The following CLNK variants were observed in gnomAD, a reference collection of about 807,000 sequenced individuals.
CLNK encodes cytokine-dependent hematopoietic cell linker.
A neutral mutation model predicts 68.6 loss-of-function variants in CLNK; 74 were observed. The observed-to-expected ratio is 1.08, with a 90% CI of 0.89 to 1.31. CLNK has a LOEUF of 1.31. Among genes scored for constraint, CLNK ranks in the 50% most tolerant of loss-of-function variants. CLNK has a pLI of 0.00. For synonymous variants in CLNK, 198 were observed against 172.2 expected, an observed-to-expected ratio of 1.15 and a Z score of -1.17; for missense variants, 553 against 515.3, an observed-to-expected ratio of 1.07 and a Z score of -0.71.
intron 18 of CLNK, among the ~76,000 whole-genome samples, chr4:10,500,952 A>G (rs115835824): frequency 0.021 from 3,139 of 152,254 alleles, 42 homozygotes; most frequent in Non-Finnish European, 0.031. Context: ...AGGGAAAGGA[A>G]TTTGGCATTA....
intron 2 of CLNK, among the ~76,000 whole-genome samples, chr4:10,634,023 A>T (rs1177690697): frequency 6.6e-6 from 1 of 152,228 alleles, no homozygotes; most frequent in Non-Finnish European, 1.5e-5. Flanking sequence ...AGCCCCCTGT[A>T]TAAGATCACA....
At chr4:10,551,997 G>A (rs908273689) in intron 8 of CLNK, among the ~76,000 whole-genome samples, 2 of 151,914 alleles carry the variant, frequency 1.3e-5, no homozygotes, top group Admixed American at 6.6e-5. Context: ...ACAGGTGCGC[G>A]TCAGAACGCT....
the CLNK span, among the ~76,000 whole-genome samples, chr4:10,694,602 G>A: frequency 2.5e-3 from 385 of 152,192 alleles, 3 homozygotes; most frequent in African/African-American, 8.7e-3. Flanking sequence ...TAATCTAGTT[G>A]TGCAGGAGGC....
chr4:10,604,520 C>A (rs1046452065), intron 2 of CLNK, among the ~76,000 whole-genome samples: 1 of 151,936 alleles, frequency 6.6e-6, no homozygotes, highest in Admixed American at 6.5e-5. Context: ...CAGTCAACAT[C>A]CATGTGCTTG....
intron 2 of CLNK, among the ~76,000 whole-genome samples, chr4:10,654,781 A>C (rs1161931968): frequency 6.6e-6 from 1 of 152,128 alleles, no homozygotes; most frequent in Non-Finnish European, 1.5e-5. Context: ...AGCATTTACA[A>C]TATCATTAAA....
At chr4:10,613,916 C>G (rs1037306938) in intron 2 of CLNK, among the ~76,000 whole-genome samples, 2 of 152,184 alleles carry the variant, frequency 1.3e-5, no homozygotes, top group Non-Finnish European at 2.9e-5. Flanking sequence ...TCTGTCTCAC[C>G]TGGAGAATGT....
chr4:10,610,079 C>A (rs1270648815), intron 2 of CLNK, among the ~76,000 whole-genome samples: 3 of 94,420 alleles, frequency 3.2e-5, no homozygotes, highest in African/African-American at 8.9e-5. Flanking sequence ...TTTTTTGAGA[C>A]GGAGTCTCGT....
intron 2 of CLNK, among the ~76,000 whole-genome samples, chr4:10,619,784 T>A (rs1722362842): frequency 6.6e-6 from 1 of 152,104 alleles, no homozygotes; most frequent in Non-Finnish European, 1.5e-5. Flanking sequence ...CTTTCCAGTA[T>A]CGTGTGGAGC....
intron 2 of CLNK, among the ~76,000 whole-genome samples, chr4:10,623,972 G>T (rs1722559828): frequency 6.6e-6 from 1 of 152,248 alleles, no homozygotes; most frequent in Non-Finnish European, 1.5e-5. Flanking sequence ...ATGCAGCAAG[G>T]TACGTGTTTA....
chr4:10,492,872 C>T (rs1448671427), intron 18 of CLNK, among the ~76,000 whole-genome samples: 1 of 152,194 alleles, frequency 6.6e-6, no homozygotes, highest in Non-Finnish European at 1.5e-5. Context: ...TCTCTCCCGC[C>T]TGAGCTCATT....
intron 2 of CLNK, among the ~76,000 whole-genome samples, chr4:10,618,783 T>C (rs1384592906): frequency 1.3e-5 from 2 of 152,038 alleles, no homozygotes; most frequent in Non-Finnish European, 2.9e-5. Context: ...CAACCATATC[T>C]CACAATAACT....
intron 12 of CLNK, among the ~76,000 whole-genome samples, chr4:10,530,922 C>T (rs1245602466): frequency 6.6e-6 from 1 of 152,206 alleles, no homozygotes; most frequent in Non-Finnish European, 1.5e-5. Context: ...GGAACCAGAA[C>T]TGTTCTTCTC....
At chr4:10,714,505 A>G in the CLNK span, among the ~76,000 whole-genome samples, 1 of 152,230 alleles carries the variant, frequency 6.6e-6, no homozygotes, top group African/African-American at 2.4e-5. Context: ...CATTTGGAAC[A>G]TACTTAGGTA....
In CLNK at chr4:10,541,235, A is replaced by C. The variant is rs1024858746; in HGVS notation, c.492-631T>G. Among the ~76,000 whole-genome samples the C allele has an allele frequency of 2.0e-5, 3 of 147,538 alleles. 1 individual carries two copies. The highest frequency in any genetic ancestry group is 7.5e-5 in the African/African-American group (3 of 40,008). On this transcript the variant is annotated intron_variant, in intron 10 of 18. Transcript: ENST00000226951. ...TCAAAAAAAAAACAAAAAAAAAAAA[A>C]CCCAATAAGAAATATAAAAATGTTT...
intron 2 of CLNK, among the ~76,000 whole-genome samples, chr4:10,645,514 C>T (rs1235865760): frequency 1.3e-5 from 2 of 152,146 alleles, no homozygotes; most frequent in Non-Finnish European, 2.9e-5. Context: ...GTCAGATAGA[C>T]AGGAATTTAC....
intron 2 of CLNK, among the ~76,000 whole-genome samples, chr4:10,658,341 G>A (rs1724059126): frequency 6.6e-6 from 1 of 152,214 alleles, no homozygotes. Flanking sequence ...CTTGCATGAA[G>A]CAATGATTGT....
At chr4:10,668,007 A>T (rs1165609331) in intron 1 of CLNK, 96 bp from the exon 2 acceptor site, 2 of 585,998 alleles carry the variant, frequency 3.4e-6, no homozygotes, top group East Asian at 3.2e-5. Context: ...AATCGGATAC[A>T]GGTGCTGGTT....
intron 2 of CLNK, among the ~76,000 whole-genome samples, chr4:10,660,274 A>G (rs926504995): frequency 1.3e-5 from 2 of 152,238 alleles, no homozygotes; most frequent in Non-Finnish European, 2.9e-5. Flanking sequence ...CCTGCAGTGG[A>G]AGACCATAAA....
At chr4:10,697,727 G>A in the CLNK span, 1 of 152,198 alleles carries the variant, frequency 6.6e-6, no homozygotes, top group Non-Finnish European at 1.5e-5. Context: ...CCTTGGTGAA[G>A]CTGCCTACTG....
Sources: allele counts gnomAD v4.1 joint callset (sites outside exome capture counted in the v4.1 genomes callset), GRCh38; gene constraint gnomAD v4.1.1; transcripts MANE v1.5; gene names NCBI Gene and HGNC (gene_info 2026-07-23, HGNC 2026-07-21).